CCDC158: variants seen among roughly 807,000 people sequenced by gnomAD.
CCDC158 encodes coiled-coil domain containing 158.
Under a neutral mutation model 138.6 loss-of-function variants are expected in CCDC158, and 116 were observed. The observed-to-expected ratio is 0.84, with a 90% CI of 0.72 to 0.98. The LOEUF (loss-of-function observed/expected upper bound fraction) is 0.98. CCDC158 is among the 50% of genes least tolerant of loss of function. CCDC158 has a pLI of 0.00. For synonymous variants in CCDC158, 436 were observed against 442.4 expected, an observed-to-expected ratio of 0.99 and a Z score of 0.18; for missense variants, 1,265 against 1,306.1, an observed-to-expected ratio of 0.97 and a Z score of 0.48.
At chr4:76,314,970 C>T (rs767561070) in intron 24 of CCDC158, among the ~76,000 whole-genome samples, 7 of 152,170 alleles carry the variant, frequency 4.6e-5, no homozygotes, top group Admixed American at 1.3e-4. Flanking sequence ...GCAGGTGAGA[C>T]GTGAAAGCCA....
chr4:76,355,091 C>A (rs180740435), intron 15 of CCDC158, among the ~76,000 whole-genome samples: 1 of 152,224 alleles, frequency 6.6e-6, no homozygotes, highest in Admixed American at 6.5e-5. Flanking sequence ...TGTTTATAAT[C>A]ATTCCTTGCC....
chr4:76,379,827 C>A (rs1275855889), intron 8 of CCDC158, among the ~76,000 whole-genome samples: 2 of 151,752 alleles, frequency 1.3e-5, no homozygotes, highest in African/African-American at 4.8e-5. Context: ...AAATTGTAAT[C>A]CCCACATGTC....
chr4:76,348,306 G>A (rs1722752052), intron 18 of CCDC158, among the ~76,000 whole-genome samples: 1 of 151,332 alleles, frequency 6.6e-6, no homozygotes, highest in Admixed American at 6.6e-5. Flanking sequence ...GAGGTGGTGG[G>A]CACCTGTAGT....
chr4:76,408,932 C>T (rs1312758898), intron 2 of CCDC158, among the ~76,000 whole-genome samples: 3 of 152,148 alleles, frequency 2.0e-5, no homozygotes, highest in Non-Finnish European at 4.4e-5. Flanking sequence ...TTTCTGACGG[C>T]CAGTGATGAT....
At chr4:76,375,945 T>C (rs1254916050) in intron 9 of CCDC158, among the ~76,000 whole-genome samples, 5 of 152,224 alleles carry the variant, frequency 3.3e-5, no homozygotes, top group African/African-American at 1.2e-4. Flanking sequence ...GAAAACACTT[T>C]TTAAAATGAA....
intron 3 of CCDC158, among the ~76,000 whole-genome samples, chr4:76,398,666 CAAAA>C (rs11379850): frequency 5.1e-5 from 6 of 118,400 alleles, no homozygotes; most frequent in African/African-American, 3.2e-5. Flanking sequence ...GACTCTGTCT[CAAAA>C]AAAAAAAAAA....
At chr4:76,343,082 T>G (rs1160905156) in intron 18 of CCDC158, among the ~76,000 whole-genome samples, 1 of 152,186 alleles carries the variant, frequency 6.6e-6, no homozygotes, top group Non-Finnish European at 1.5e-5. Flanking sequence ...ATATCTATCT[T>G]GTATAGCAGG....
intron 16 of CCDC158, 25 bp downstream of exon 16, chr4:76,353,098 C>A (rs751671774): frequency 1.3e-6 from 2 of 1,570,798 alleles, no homozygotes; most frequent in East Asian, 4.5e-5. Context: ...TTGATAATTA[C>A]TTCATATGTT....
chr4:76,363,834 A>C (rs1485846350), intron 12 of CCDC158, among the ~76,000 whole-genome samples: 3 of 152,164 alleles, frequency 2.0e-5, no homozygotes, highest in African/African-American at 7.2e-5. Flanking sequence ...CAATTTAAAA[A>C]TACAACTCTG....
At position 76,353,183 on chromosome 4, in the gene CCDC158, C is replaced by T; in HGVS notation, c.2385G>A (p.Leu795=). The part of the protein sequence containing the change: ...KNKMAGELEV[L]RSQERRLKEK... ...CTTTCAAACGGCGTTCCTGAGATCGCAGAACTTCCAACTCCCCAGCCATCT... is the reference window on the plus strand; with the variant it reads ...CTTTCAAACGGCGTTCCTGAGATCGTAGAACTTCCAACTCCCCAGCCATCT... The change falls in exon 16 of 25, where the codon CTG becomes CTA. Residue 795 remains leucine (L), a synonymous_variant. Transcript: ENST00000682701. 1 of 1,613,896 alleles carries T rather than the reference C, an allele frequency of 6.2e-7. No homozygotes were observed. Among genetic ancestry groups the T allele is most frequent in the Non-Finnish European group, 8.5e-7 (1 of 1,179,886 alleles).
rs1398672144 is a variant in CCDC158, at chr4:76,367,352, T to A, written c.1772A>T (p.Glu591Val). 1 of 1,613,978 alleles carries A rather than the reference T, an allele frequency of 6.2e-7. No individual in the cohort carries two copies. Among genetic ancestry groups the A allele is most frequent in the African/African-American group, 1.3e-5 (1 of 74,944 alleles). Residue 591 changes from glutamate (E) to valine (V), a missense_variant, in exon 12 of 25, where the codon GAA (glutamate) becomes GTA (valine). Coordinates refer to ENST00000682701, the MANE Select transcript of CCDC158 (RefSeq NM_001394954.1). ...HGRTAGAMQV[E>V]KAQLEKEIND... ...AATTTCTTTCTCCAGTTGAGCTTTT[T>A]CTACTTGCATAGCTCCAGCAGTTCG...
chr4:76,371,275 A>G, intron 10 of CCDC158, 142 bp downstream of exon 10: 1 of 805,282 alleles, frequency 1.2e-6, no homozygotes, highest in Admixed American at 2.8e-5. Context: ...CAAAACTTGA[A>G]TTGTGTCTAA....
intron 4 of CCDC158, among the ~76,000 whole-genome samples, chr4:76,395,613 C>A (rs911896709): frequency 1.3e-5 from 2 of 151,996 alleles, no homozygotes; most frequent in Admixed American, 6.6e-5. Context: ...TGGAATAGCG[C>A]AGTATATCTA....
chr4:76,369,350 G>A, intron 11 of CCDC158, 76 bp downstream of exon 11: 2 of 1,392,448 alleles, frequency 1.4e-6, no homozygotes, highest in East Asian at 2.4e-5. Context: ...AAAATAAAAA[G>A]CTCTATTTAG....
At chr4:76,339,182 T>A (rs1721819611) in intron 18 of CCDC158, among the ~76,000 whole-genome samples, 1 of 151,992 alleles carries the variant, frequency 6.6e-6, no homozygotes, top group African/African-American at 2.4e-5. Flanking sequence ...ACCATGAACA[T>A]GAAGAACAGA....
At chr4:76,379,507 T>C (rs1276224971) in intron 8 of CCDC158, 103 bp from the exon 9 acceptor site, 5 of 556,398 alleles carry the variant, frequency 9.0e-6, no homozygotes, top group Middle Eastern at 2.8e-4. Context: ...TTATTTTATA[T>C]GGCATTATTA....
intron 24 of CCDC158, among the ~76,000 whole-genome samples, chr4:76,317,224 G>A (rs886860144): frequency 1.3e-5 from 2 of 152,112 alleles, no homozygotes; most frequent in Admixed American, 6.5e-5. Flanking sequence ...AGTATCTGCT[G>A]TCTTCAAGAG....
At chr4:76,328,480 C>T (rs551014653) in intron 22 of CCDC158, among the ~76,000 whole-genome samples, 2 of 152,296 alleles carry the variant, frequency 1.3e-5, no homozygotes, top group South Asian at 4.1e-4. Flanking sequence ...GACAGGGTTT[C>T]GCCATGTTGC....
rs184991735 is a variant in CCDC158, at chr4:76,413,423, C to T, written c.-116-1291G>A. On this transcript the variant is annotated intron_variant, in intron 1 of 24. Coordinates refer to ENST00000682701, the MANE Select transcript of CCDC158 (RefSeq NM_001394954.1). Reference sequence around the variant, plus strand: ...CCAGGAGGTTGAGGCTGCAGTGAGCCGTGATCACACCACTGCACTCCAGCT... The same window carrying T: ...CCAGGAGGTTGAGGCTGCAGTGAGCTGTGATCACACCACTGCACTCCAGCT... 2.6e-3 allele frequency among the ~76,000 whole-genome samples: 375 copies of T among 146,938 alleles called. 2 individuals are homozygous for T. Among genetic ancestry groups the T allele is most frequent in the African/African-American group, 8.5e-3 (337 of 39,590 alleles).
Sources: gnomAD v4.1 joint callset for allele counts (sites outside exome capture counted in the v4.1 genomes callset) on GRCh38, gnomAD v4.1.1 for gene constraint, MANE v1.5 for transcripts, NCBI Gene and HGNC (gene_info 2026-07-23, HGNC 2026-07-21) for gene names.